Variants in KPNA4 observed in about 807,000 individuals in gnomAD.
KPNA4 encodes the protein karyopherin subunit alpha 4.
A neutral mutation model predicts 71.3 loss-of-function variants in KPNA4; 13 were observed. The observed-to-expected ratio is 0.18, with a 90% CI of 0.12 to 0.29. The LOEUF (loss-of-function observed/expected upper bound fraction) is 0.29, where lower values mean the gene tolerates loss of function less well. Among genes scored for constraint, KPNA4 ranks in the 10% least tolerant of loss-of-function variants. The probability of loss-of-function intolerance (pLI) is 1.00; values close to 1 mark genes in which losing one functional copy is unlikely to be tolerated. For missense variants in KPNA4, 334 were observed against 603.2 expected (o/e 0.55, Z 4.67); for synonymous variants, 189 against 195.2 (o/e 0.97, Z 0.26).
At chr3:160,538,733 T>C (rs1385440288) in intron 1 of KPNA4, among the ~76,000 whole-genome samples, 1 of 152,062 alleles carries the variant, frequency 6.6e-6, no homozygotes, top group Non-Finnish European at 1.5e-5. Context: ...TACCATTATC[T>C]TCATTCATTC....
rs569781251 is a variant in KPNA4, at chr3:160,502,039, T to C, written c.*65A>G. 1.9e-3 allele frequency: 720 copies of C among 387,252 alleles called. No homozygotes were observed. Among genetic ancestry groups the C allele is most frequent in the East Asian group, 3.1e-3 (58 of 18,594 alleles). 24.0% of individuals were successfully genotyped at this position (387,252 alleles called of 1,614,324 possible). A position where few individuals can be genotyped will look rare whatever the true frequency, so the allele number is the denominator to read the frequency against. ...ATATATATGTATATATATATATATA[T>C]ACACACACACATATATATATATATA... On this transcript the variant is annotated 3_prime_UTR_variant, in exon 17 of 17. Coordinates refer to ENST00000334256, the MANE Select transcript of KPNA4 (RefSeq NM_002268.5).
intron 10 of KPNA4, 59 bp from the exon 11 acceptor site, chr3:160,521,969 T>C (rs1048429506): frequency 7.6e-6 from 11 of 1,454,370 alleles, no homozygotes; most frequent in Non-Finnish European, 1.0e-5. Flanking sequence ...TTAGTAATTC[T>C]TGACCAAACA....
chr3:160,515,653 C>A lies in KPNA4; in HGVS notation c.904-73G>T, dbSNP rs979852311. ...TTTTTGAGACAAGGTCTTGCTCTGT[C>A]GCCCAGGGTAGAGTGCAGTGGTGCG... On this transcript the variant is annotated intron_variant, in intron 11 of 16. Coordinates refer to ENST00000334256, the MANE Select transcript of KPNA4 (RefSeq NM_002268.5). The A allele has an allele frequency of 3.3e-6, 5 of 1,537,766 alleles. No individual in the cohort carries two copies. In the African/African-American group the frequency reaches 6.9e-5, roughly 21 times the overall value.
intron 1 of KPNA4, among the ~76,000 whole-genome samples, chr3:160,558,325 G>C (rs935311758): frequency 1.3e-5 from 2 of 152,176 alleles, no homozygotes; most frequent in Admixed American, 1.3e-4. Flanking sequence ...AGGTACAAGA[G>C]GAATTTTGTA....
chr3:160,556,412 T>C (rs1185597866), intron 1 of KPNA4, among the ~76,000 whole-genome samples: 1 of 152,192 alleles, frequency 6.6e-6, no homozygotes, highest in Non-Finnish European at 1.5e-5. Flanking sequence ...GCCATCCTAG[T>C]GGGTGTAAAG....
At chr3:160,541,351 T>C (rs1721792193) in intron 1 of KPNA4, among the ~76,000 whole-genome samples, 1 of 152,034 alleles carries the variant, frequency 6.6e-6, no homozygotes, top group South Asian at 2.1e-4. Flanking sequence ...TCTTTCTAAA[T>C]AATACAAAGA....
At chr3:160,528,112 C>A in intron 7 of KPNA4, 73 bp from the exon 8 acceptor site, 1 of 1,117,668 alleles carries the variant, frequency 8.9e-7, no homozygotes, top group Non-Finnish European at 1.3e-6. Context: ...TATTTTTTTG[C>A]TGAGACCTCA....
intron 8 of KPNA4, 35 bp from the exon 9 acceptor site, chr3:160,526,142 C>G (rs376921600): frequency 7.0e-7 from 1 of 1,421,118 alleles, no homozygotes; most frequent in Non-Finnish European, 9.3e-7. Flanking sequence ...CTCAATAAAA[C>G]ATACTGACAG....
At chr3:160,517,018 CAGT>C (rs1339659317) in intron 11 of KPNA4, among the ~76,000 whole-genome samples, 1 of 151,832 alleles carries the variant, frequency 6.6e-6, no homozygotes, top group Non-Finnish European at 1.5e-5. Flanking sequence ...GTGTACAATT[CAGT>C]AGTTCTTAGT....
At chr3:160,509,148 A>G (rs1721043423) in intron 14 of KPNA4, among the ~76,000 whole-genome samples, 1 of 152,156 alleles carries the variant, frequency 6.6e-6, no homozygotes, top group Non-Finnish European at 1.5e-5. Context: ...AGTTGGCACA[A>G]TGTTAAGCTT....
Position 160,530,870 on chromosome 3 carries a change from C to A in KPNA4, c.454G>T (p.Ala152Ser). 1 of 1,611,532 alleles carries A rather than the reference C, an allele frequency of 6.2e-7. No individual in the cohort carries two copies. The highest frequency in any genetic ancestry group is 8.5e-7 in the Non-Finnish European group (1 of 1,178,476). Residue 152 changes from alanine to serine, a missense_variant, in exon 7 of 17, where the codon GCA (alanine) becomes TCA (serine). Physicochemically the swap from Ala to Ser is moderately conservative, Grantham distance 99 (BLOSUM62 1). Transcript: ENST00000334256. ...IASGTSEQTQ[A>S]VVQSNAVPLF... The stretch of plus-strand genomic sequence containing the variant: ...ACCAACTTACTGGACTGAACTACTG[C>A]TTGAGTTTGTTCAGAAGTTCCAGAT...
chr3:160,550,394 A>T (rs1722016642), intron 1 of KPNA4, among the ~76,000 whole-genome samples: 1 of 152,100 alleles, frequency 6.6e-6, no homozygotes, highest in Non-Finnish European at 1.5e-5. Context: ...AGTAGCTGGG[A>T]CTCCATGTGC....
At chr3:160,513,310 C>A (rs559641825) in intron 13 of KPNA4, among the ~76,000 whole-genome samples, 1 of 130,054 alleles carries the variant, frequency 7.7e-6, no homozygotes, top group Non-Finnish European at 1.6e-5. Context: ...GGCTGGAATG[C>A]AATGGCATGA....
In KPNA4 at chr3:160,502,083, C is replaced by A. The variant is rs767525380; in HGVS notation, c.*21G>T. On this transcript the variant is annotated 3_prime_UTR_variant, in exon 17 of 17. Coordinates refer to ENST00000334256, the MANE Select transcript of KPNA4 (RefSeq NM_002268.5). ...ATATATATCTCAGTGCTGCATTGTA[C>A]CTAACTTCCACAACATCTTTCTAAA... The A allele has an allele frequency of 3.2e-6, 4 of 1,249,934 alleles. No individual in the cohort carries two copies. Among genetic ancestry groups the A allele is most frequent in the Admixed American group, 3.5e-5 (2 of 57,460 alleles). The allele number at this position is 1,249,934 out of a possible 1,614,324, so 77.4% of individuals were successfully genotyped here.
At chr3:160,557,883 T>C (rs1018767996) in intron 1 of KPNA4, among the ~76,000 whole-genome samples, 2 of 151,956 alleles carry the variant, frequency 1.3e-5, no homozygotes, top group Non-Finnish European at 2.9e-5. Context: ...GGTCTCACCA[T>C]ATTGCCTAGG....
intron 8 of KPNA4, among the ~76,000 whole-genome samples, chr3:160,527,616 A>G (rs1014395561): frequency 2.0e-5 from 3 of 152,144 alleles, no homozygotes; most frequent in Non-Finnish European, 4.4e-5. Flanking sequence ...GAGAAAGCTG[A>G]GAAATAAAAA....
intron 13 of KPNA4, 109 bp from the exon 14 acceptor site, chr3:160,509,980 G>T: frequency 1.4e-6 from 1 of 740,010 alleles, no homozygotes; most frequent in Non-Finnish European, 2.4e-6. Flanking sequence ...TCTCCTTTTA[G>T]TCTTTCTGTA....
chr3:160,516,724 A>C (rs1183684818), intron 11 of KPNA4, among the ~76,000 whole-genome samples: 2 of 152,042 alleles, frequency 1.3e-5, no homozygotes, highest in African/African-American at 2.4e-5. Flanking sequence ...GTGAGCTGTG[A>C]TCATACCACT....
In KPNA4 at chr3:160,499,599, A is replaced by G. The variant is rs1402400583; in HGVS notation, c.*2505T>C. 1.3e-5 allele frequency: 2 copies of G among 152,136 alleles called. No individual in the cohort carries two copies. The highest frequency in any genetic ancestry group is 2.9e-5 in the Non-Finnish European group (2 of 68,002). 9.4% of individuals were successfully genotyped at this position (152,136 alleles called of 1,614,324 possible). ...ATTTCTACTAGAAAATCAATGTTCT[A>G]TATTAGGCTATAGATGGAAATAAAA... On this transcript the variant is annotated 3_prime_UTR_variant, in exon 17 of 17. Transcript: ENST00000334256.
Sources: allele counts gnomAD v4.1 joint callset (sites outside exome capture counted in the v4.1 genomes callset), GRCh38; gene constraint gnomAD v4.1.1; transcripts MANE v1.5; gene names NCBI Gene and HGNC (gene_info 2026-07-23, HGNC 2026-07-21).